BCAS3: variants seen among roughly 807,000 people sequenced by gnomAD.
BCAS3 encodes BCAS3 microtubule associated cell migration factor, also known as BCAS4/BCAS3 fusion.
A neutral mutation model predicts 116.1 loss-of-function variants in BCAS3; 53 were observed. That is an observed-to-expected ratio of 0.46 (90% CI 0.37 to 0.57). The LOEUF (loss-of-function observed/expected upper bound fraction) is 0.57. BCAS3 is among the 20% of genes least tolerant of loss of function. The pLI, the probability that BCAS3 is intolerant of heterozygous loss-of-function variation, is 0.00. For synonymous variants in BCAS3, 391 were observed against 408.2 expected (o/e 0.96, Z 0.51); for missense variants, 917 against 1,165.4 (o/e 0.79, Z 3.10).
At chr17:61,108,044 T>G (rs533382935) in intron 22 of BCAS3, among the ~76,000 whole-genome samples, 1 of 152,350 alleles carries the variant, frequency 6.6e-6, no homozygotes, top group African/African-American at 2.4e-5. Context: ...ACTGTAGGTA[T>G]GTCTATTTCT....
rs2065899895 is a variant in BCAS3, at chr17:61,021,865, C to A, written c.1637+5964C>A. ...CTTATTTTAATTCAATTAGGTACACCTTGGCTCAGTTACACAGTTTGGCCT... is the reference window on the plus strand; with the variant it reads ...CTTATTTTAATTCAATTAGGTACACATTGGCTCAGTTACACAGTTTGGCCT... On this transcript the variant is annotated intron_variant, in intron 16 of 23. Coordinates refer to ENST00000407086, the MANE Select transcript of BCAS3 (RefSeq NM_017679.5). The surrounding 1 kb of genome is among the most constrained non-coding windows in gnomAD (Gnocchi z 4.6). Among the ~76,000 whole-genome samples the A allele has an allele frequency of 6.6e-6, 1 of 152,118 alleles. No individual in the cohort carries two copies. Among genetic ancestry groups the A allele is most frequent in the African/African-American group, 2.4e-5 (1 of 41,410 alleles).
chr17:61,090,435 A>AAAATATTC (rs935926001), intron 22 of BCAS3, among the ~76,000 whole-genome samples: 2 of 152,222 alleles, frequency 1.3e-5, no homozygotes, highest in African/African-American at 4.8e-5. Flanking sequence ...CAGAGGGGAA[A>AAAATATTC]AAATATTCAA....
intron 6 of BCAS3, among the ~76,000 whole-genome samples, chr17:60,774,251 A>G (rs1450069339): frequency 6.6e-6 from 1 of 151,840 alleles, no homozygotes; most frequent in Non-Finnish European, 1.5e-5. Context: ...TAACCCATCC[A>G]GTGTATTTTT....
chr17:61,090,588 G>T (rs554735069), intron 22 of BCAS3, among the ~76,000 whole-genome samples: 6 of 152,284 alleles, frequency 3.9e-5, no homozygotes, highest in African/African-American at 1.2e-4. Flanking sequence ...GACCTTATTT[G>T]CCCATAAGGA....
At position 61,222,010 on chromosome 17, in the gene BCAS3, CAG is replaced by C. The variant is rs544224497; in HGVS notation, c.2425+137447_2425+137448del. Among the ~76,000 whole-genome samples, 6 of 152,166 alleles carry C rather than the reference CAG, an allele frequency of 3.9e-5. No homozygotes were observed. The highest frequency in any genetic ancestry group is 7.3e-5 in the Non-Finnish European group (5 of 68,028). On this transcript the variant is annotated intron_variant, in intron 22 of 23. Transcript: ENST00000407086. This position sits in a 1 kb window ranked among gnomAD's most constrained non-coding sequence, Gnocchi z 6.1. ...ACCTGGCACACGGTGACGTGCTTAA[CAG>C]GGGCTGATATTACTATTACTATTAA...
At position 61,214,730 on chromosome 17, in the gene BCAS3, T is replaced by C. The variant is rs1393733825; in HGVS notation, c.2425+130166T>C. 6.6e-6 allele frequency among the ~76,000 whole-genome samples: 1 copy of C among 152,172 alleles called. No homozygotes were observed. Among genetic ancestry groups the C allele is most frequent in the Non-Finnish European group, 1.5e-5 (1 of 68,026 alleles). On this transcript the variant is annotated intron_variant, in intron 22 of 23. Transcript: ENST00000407086. The surrounding 1 kb of genome is among the most constrained non-coding windows in gnomAD (Gnocchi z 4.4). ...AAAGAAAAAAATTCAAAAACATTTT[T>C]TAATGAACTATAGGGATATTTTGAT...
At position 61,365,013 on chromosome 17, in the gene BCAS3, G is replaced by C. The variant is rs1362953388; in HGVS notation, c.2426-3314G>C. The stretch of plus-strand genomic sequence containing the variant: ...TACATGAACACACCTATTACATACA[G>C]AACACTCACTGTGTGTCAGGTCTTT... On this transcript the variant is annotated intron_variant, in intron 22 of 23. Transcript: ENST00000407086. This position sits in a 1 kb window ranked among gnomAD's most constrained non-coding sequence, Gnocchi z 4.6. 2.6e-5 allele frequency among the ~76,000 whole-genome samples: 4 copies of C among 152,180 alleles called. No homozygotes were observed.
intron 22 of BCAS3, among the ~76,000 whole-genome samples, chr17:61,187,601 T>A (rs1432422981): frequency 6.6e-6 from 1 of 152,202 alleles, no homozygotes; most frequent in Non-Finnish European, 1.5e-5. Flanking sequence ...GGCAACCATG[T>A]ATAGGGTTAT....
rs1196554391 is a variant in BCAS3, at chr17:61,279,283, G to A, written c.2426-89044G>A. Among the ~76,000 whole-genome samples, 1 of 152,178 alleles carries A rather than the reference G, an allele frequency of 6.6e-6. No individual in the cohort carries two copies. Among genetic ancestry groups the A allele is most frequent in the East Asian group, 1.9e-4 (1 of 5,166 alleles). On this transcript the variant is annotated intron_variant, in intron 22 of 23. Coordinates refer to ENST00000407086, the MANE Select transcript of BCAS3 (RefSeq NM_017679.5). The surrounding 1 kb of genome is among the most constrained non-coding windows in gnomAD (Gnocchi z 4.4). ...CTTTAAGTGGGTGAATTGTATGTTAGGTGAATTATATCTCAATAAATCTTT... is the reference window on the plus strand; with the variant it reads ...CTTTAAGTGGGTGAATTGTATGTTAAGTGAATTATATCTCAATAAATCTTT...
At chr17:61,148,350 A>G (rs1294487164) in intron 22 of BCAS3, among the ~76,000 whole-genome samples, 1 of 152,222 alleles carries the variant, frequency 6.6e-6, no homozygotes, top group East Asian at 1.9e-4. Flanking sequence ...TGTACCAACC[A>G]TTATGTGCCA....
At chr17:60,850,301 G>A (rs1261409195) in intron 7 of BCAS3, among the ~76,000 whole-genome samples, 3 of 138,422 alleles carry the variant, frequency 2.2e-5, no homozygotes, top group Non-Finnish European at 4.5e-5. Context: ...CCTGTACTCT[G>A]CTTATTACTC....
chr17:60,925,448 G>A (rs1336589004), intron 13 of BCAS3, among the ~76,000 whole-genome samples: 2 of 152,142 alleles, frequency 1.3e-5, no homozygotes. Flanking sequence ...TGACTATCAA[G>A]TATCTACATT....
chr17:60,836,175 T>C (rs554749692), intron 7 of BCAS3, among the ~76,000 whole-genome samples: 9 of 152,198 alleles, frequency 5.9e-5, no homozygotes, highest in African/African-American at 9.6e-5. Context: ...TGAACCTACA[T>C]TGACACATTG....
chr17:60,884,559 C>G (rs1180046036), intron 9 of BCAS3, among the ~76,000 whole-genome samples: 2 of 145,886 alleles, frequency 1.4e-5, no homozygotes, highest in African/African-American at 5.4e-5. Flanking sequence ...TGGATCTTTC[C>G]TGCTTTCTCT....
At chr17:60,794,562 T>A (rs1162860107) in intron 6 of BCAS3, among the ~76,000 whole-genome samples, 1 of 152,236 alleles carries the variant, frequency 6.6e-6, no homozygotes, top group Non-Finnish European at 1.5e-5. Flanking sequence ...CCTTAGTCCA[T>A]CTTGGGTTGA....
rs954498007 is a variant in BCAS3 at position 61,128,458 on chromosome 17, A to G, written c.2425+43894A>G. ...TTGCTCAACAGAGTAATAATAATAG[A>G]TTTGGAGAATGTTCTGTGTTTTCAA... is the stretch of plus-strand genomic sequence containing the variant. On this transcript the variant is annotated intron_variant, in intron 22 of 23. Coordinates refer to ENST00000407086, the MANE Select transcript of BCAS3 (RefSeq NM_017679.5). The surrounding 1 kb of genome is among the most constrained non-coding windows in gnomAD (Gnocchi z 4.1). 3 of 985,316 alleles carry G rather than the reference A, an allele frequency of 3.0e-6. No individual in the cohort carries two copies. The African/African-American group carries it at 5.2e-5, about 17-fold the overall frequency. The allele number at this position is 985,316 out of a possible 1,614,324, so 61.0% of individuals were successfully genotyped here.
chr17:60,802,599 G>T (rs1330934962), intron 6 of BCAS3, among the ~76,000 whole-genome samples: 1 of 152,058 alleles, frequency 6.6e-6, no homozygotes, highest in African/African-American at 2.4e-5. Flanking sequence ...ATGATTGTCA[G>T]TGGCAAACTG....
In BCAS3 at chr17:60,990,090, G is replaced by A. The variant is rs1271532341; in HGVS notation, c.1341G>A (p.Met447Ile). Residue 447 changes from methionine to isoleucine, a missense_variant, in exon 15 of 24, where the codon ATG becomes ATA. By Grantham distance (10) the Met-to-Ile change is conservative. Coordinates refer to ENST00000407086, the MANE Select transcript of BCAS3 (RefSeq NM_017679.5). This position sits in a 1 kb window ranked among gnomAD's most constrained non-coding sequence, Gnocchi z 5.1. ...YGGQPCVRTHMSPRVVNRMSR... is the reference protein window; with the variant it reads ...YGGQPCVRTHISPRVVNRMSR... ...GCCAGCCTTGTGTTCGTACACATAT[G>A]TCACCACGAGTAGTGAATCGCATGA... 6.2e-7 allele frequency: 1 copy of A among 1,614,042 alleles called. No individual in the cohort carries two copies. Among genetic ancestry groups the A allele is most frequent in the Non-Finnish European group, 8.5e-7 (1 of 1,180,042 alleles).
At position 61,034,779 on chromosome 17, in the gene BCAS3, A is replaced by G; in HGVS notation, c.1751A>G (p.Lys584Arg). The change falls in exon 17 of 24, where the codon AAA becomes AGA. Residue 584 changes from lysine to arginine, a missense_variant. Lys to Arg is a conservative substitution (Grantham distance 26). Around this residue, in one of 3 missense-constraint regions of BCAS3, gnomAD observed 807 missense variants for 1,026.0 expected, o/e 0.79. Coordinates refer to ENST00000407086, the MANE Select transcript of BCAS3 (RefSeq NM_017679.5). This position sits in a 1 kb window ranked among gnomAD's most constrained non-coding sequence, Gnocchi z 5.0. ...TGGTTTGCAAATAATGCAGGTCTGA[A>G]AAGAGAAAAAGGTATGTATTTTTAC... ...RSWFANNAGL[K>R]REKDQSKQVV... 1 of 1,604,128 alleles carries G rather than the reference A, an allele frequency of 6.2e-7. No homozygotes were observed. Among genetic ancestry groups the G allele is most frequent in the Non-Finnish European group, 8.5e-7 (1 of 1,177,076 alleles).
Sources: gnomAD v4.1 joint callset for allele counts (sites outside exome capture counted in the v4.1 genomes callset) on GRCh38, gnomAD v4.1.1 for gene constraint, gnomAD v4.1.1 regional missense constraint, Gnocchi (gnomAD v3.1) non-coding constraint, MANE v1.5 for transcripts, NCBI Gene and HGNC (gene_info 2026-07-23, HGNC 2026-07-21) for gene names.